Variants in BBOX1 observed in about 807,000 individuals in gnomAD.
BBOX1 encodes gamma-butyrobetaine hydroxylase 1, also known as gamma-butyrobetaine dioxygenase.
Under a neutral mutation model 41.6 loss-of-function variants are expected in BBOX1, and 35 were observed. That is an observed-to-expected ratio of 0.84 (90% confidence interval 0.64 to 1.11). The LOEUF (loss-of-function observed/expected upper bound fraction) is 1.11. Ranked by LOEUF, BBOX1 falls within the 50% of genes most tolerant of loss-of-function variation. The pLI is 0.00. For missense variants in BBOX1, 458 were observed against 460.6 expected, an observed-to-expected ratio of 0.99 and a Z score of 0.05; for synonymous variants, 163 against 154.7, an observed-to-expected ratio of 1.05 and a Z score of -0.40.
intron 4 of BBOX1, among the ~76,000 whole-genome samples, chr11:27,062,380 A>G (rs1857156558): frequency 6.6e-6 from 1 of 152,288 alleles, no homozygotes; most frequent in Admixed American, 6.5e-5. Context: ...TAGCTTCTCC[A>G]TACTGATGCT....
At chr11:27,095,551 C>G (rs1858409653) in intron 5 of BBOX1, among the ~76,000 whole-genome samples, 1 of 151,964 alleles carries the variant, frequency 6.6e-6, no homozygotes, top group Non-Finnish European at 1.5e-5. Context: ...GTTAACCTAC[C>G]CATCTCACCT....
chr11:27,098,321 C>G (rs1858520795), intron 5 of BBOX1, among the ~76,000 whole-genome samples: 1 of 152,066 alleles, frequency 6.6e-6, no homozygotes, highest in Non-Finnish European at 1.5e-5. Flanking sequence ...TACCTCATCC[C>G]CAAGCCCTGG....
chr11:27,101,682 A>G (rs1168366320), intron 5 of BBOX1, among the ~76,000 whole-genome samples: 1 of 152,040 alleles, frequency 6.6e-6, no homozygotes, highest in East Asian at 1.9e-4. Context: ...TGTACAACAA[A>G]GATTTCTTTT....
At chr11:27,085,194 T>C (rs917806996) in intron 4 of BBOX1, among the ~76,000 whole-genome samples, 1 of 152,182 alleles carries the variant, frequency 6.6e-6, no homozygotes, top group Admixed American at 6.5e-5. Context: ...TAATAAAATG[T>C]AGTATGATTT....
intron 6 of BBOX1, among the ~76,000 whole-genome samples, chr11:27,116,287 C>G (rs538997236): frequency 2.2e-4 from 33 of 151,356 alleles, no homozygotes; most frequent in African/African-American, 4.6e-4. Context: ...CACATGGACA[C>G]AGAGAGAGGA....
At chr11:27,047,564 T>A (rs1057302246) in intron 2 of BBOX1, among the ~76,000 whole-genome samples, 3 of 152,070 alleles carry the variant, frequency 2.0e-5, no homozygotes, top group African/African-American at 7.2e-5. Flanking sequence ...AGCCAAAAAA[T>A]TTTCAAACAC....
Position 27,072,460 on chromosome 11 carries a change from C to T in BBOX1, c.334+15145C>T, listed in dbSNP as rs193032953. On this transcript the variant is annotated intron_variant, in intron 4 of 8. Coordinates refer to ENST00000263182, the MANE Select transcript of BBOX1 (RefSeq NM_003986.3). The stretch of plus-strand genomic sequence containing the variant: ...TGGAAGAACATTTCATGCTCATGGA[C>T]AGGAAGAATCAATATCGTGAAAATG... 9.2e-5 allele frequency among the ~76,000 whole-genome samples: 14 copies of T among 152,178 alleles called. No individual in the cohort carries two copies. The East Asian group carries it at 2.7e-3, about 29-fold the overall frequency.
At chr11:27,124,578 T>C (rs1859579444) in intron 7 of BBOX1, among the ~76,000 whole-genome samples, 1 of 152,196 alleles carries the variant, frequency 6.6e-6, no homozygotes, top group South Asian at 2.1e-4. Flanking sequence ...AGTGTCGTGG[T>C]GCGATCTCCG....
intron 4 of BBOX1, among the ~76,000 whole-genome samples, chr11:27,058,864 G>T (rs939064486): frequency 1.3e-5 from 2 of 152,186 alleles, no homozygotes; most frequent in African/African-American, 4.8e-5. Context: ...AAAGCAGAGT[G>T]TAAAAGTTTG....
intron 2 of BBOX1, among the ~76,000 whole-genome samples, chr11:27,041,893 T>C (rs1851355764): frequency 6.6e-6 from 1 of 152,144 alleles, no homozygotes; most frequent in Non-Finnish European, 1.5e-5. Flanking sequence ...CCCTGAATAA[T>C]CCACAACCCA....
At chr11:27,119,080 A>T (rs1316831237) in intron 6 of BBOX1, among the ~76,000 whole-genome samples, 1 of 151,992 alleles carries the variant, frequency 6.6e-6, no homozygotes, top group African/African-American at 2.4e-5. Context: ...ACTCTCCATC[A>T]TGAGGCCTCA....
chr11:27,078,469 CT>C (rs1354806743), intron 4 of BBOX1, among the ~76,000 whole-genome samples: 4 of 152,110 alleles, frequency 2.6e-5, no homozygotes, highest in African/African-American at 9.7e-5. Flanking sequence ...TATCCTTCCC[CT>C]ATCCCCCCAC....
At chr11:27,122,791 T>A (rs188053215) in intron 7 of BBOX1, among the ~76,000 whole-genome samples, 3,018 of 152,144 alleles carry the variant, frequency 0.02, 109 homozygotes, top group African/African-American at 0.069. Context: ...TTCTTTGGTT[T>A]TTTTTTTGTT....
intron 4 of BBOX1, among the ~76,000 whole-genome samples, chr11:27,066,824 A>G (rs1206737095): frequency 1.4e-5 from 2 of 143,860 alleles, no homozygotes; most frequent in Non-Finnish European, 2.9e-5. Context: ...CAAATTAAAT[A>G]AAAATGTTTA....
At chr11:27,096,359 A>G (rs1858438142) in intron 5 of BBOX1, among the ~76,000 whole-genome samples, 1 of 152,042 alleles carries the variant, frequency 6.6e-6, no homozygotes, top group Non-Finnish European at 1.5e-5. Flanking sequence ...TGAGTGAGTG[A>G]ATGGAATGAA....
At chr11:27,050,090 C>A (rs1851624528) in intron 2 of BBOX1, among the ~76,000 whole-genome samples, 1 of 152,108 alleles carries the variant, frequency 6.6e-6, no homozygotes, top group African/African-American at 2.4e-5. Flanking sequence ...TAGTAACACT[C>A]CACCATTTGT....
rs570119197 is a variant in BBOX1 at position 27,066,345 on chromosome 11, T to A, written c.334+9030T>A. 2.0e-3 allele frequency: 307 copies of A among 152,320 alleles called. 1 individual carries two copies. The highest frequency in any genetic ancestry group is 7.1e-3 in the African/African-American group (294 of 41,584). 9.4% of individuals were successfully genotyped at this position (152,320 alleles called of 1,614,324 possible). A position where few individuals can be genotyped will look rare whatever the true frequency, so the allele number is the denominator to read the frequency against. ...TCCAAAGTGTTCCAATTTCCAAAAG[T>A]AAAGTTGGAATACTTTCTACACTGG... On this transcript the variant is annotated intron_variant, in intron 4 of 8. Coordinates refer to ENST00000263182, the MANE Select transcript of BBOX1 (RefSeq NM_003986.3).
At chr11:27,078,060 T>C (rs1857697533) in intron 4 of BBOX1, among the ~76,000 whole-genome samples, 2 of 152,094 alleles carry the variant, frequency 1.3e-5, no homozygotes, top group African/African-American at 4.8e-5. Flanking sequence ...GGACTTCTTT[T>C]ATTGTCCAAG....
At chr11:27,119,404 T>C (rs1859382024) in intron 6 of BBOX1, among the ~76,000 whole-genome samples, 1 of 152,024 alleles carries the variant, frequency 6.6e-6, no homozygotes, top group Non-Finnish European at 1.5e-5. Context: ...TGTAACATGT[T>C]TGAACTATAC....
Sources: allele counts gnomAD v4.1 joint callset (sites outside exome capture counted in the v4.1 genomes callset), GRCh38; gene constraint gnomAD v4.1.1; transcripts MANE v1.5; gene names NCBI Gene and HGNC (gene_info 2026-07-23, HGNC 2026-07-21).